WWOX: variants seen among roughly 807,000 people sequenced by gnomAD.
The protein encoded by WWOX is WW domain-containing oxidoreductase.
In WWOX, 69 loss-of-function variants were observed where a neutral mutation model predicts 46.2. That is an observed-to-expected ratio of 1.49 (90% CI 1.23 to 1.82). The LOEUF is 1.82. Among genes scored for constraint, WWOX ranks in the 40% most tolerant of loss-of-function variants. The pLI, the probability that WWOX is intolerant of heterozygous loss-of-function variation, is 0.00. For missense variants in WWOX, 919 were observed against 542.6 expected, an observed-to-expected ratio of 1.69 and a Z score of -6.89; for synonymous variants, 359 against 202.6, an observed-to-expected ratio of 1.77 and a Z score of -6.56.
chr16:78,463,085 G>C (rs1481257107), intron 8 of WWOX, among the ~76,000 whole-genome samples: 1 of 152,196 alleles, frequency 6.6e-6, no homozygotes, highest in Non-Finnish European at 1.5e-5. Context: ...GCAGGTCTTT[G>C]TTTCATGTCA....
At chr16:78,865,900 C>G (rs1224038960) in intron 8 of WWOX, among the ~76,000 whole-genome samples, 3 of 152,138 alleles carry the variant, frequency 2.0e-5, no homozygotes, top group African/African-American at 4.8e-5. Context: ...AGAATTGTGT[C>G]TGGCCTTTGT....
chr16:78,394,586 C>G (rs2082245581), intron 6 of WWOX, among the ~76,000 whole-genome samples: 1 of 152,096 alleles, frequency 6.6e-6, no homozygotes, highest in Non-Finnish European at 1.5e-5. Flanking sequence ...CCAAAAACAT[C>G]AAAGTATGAC....
At chr16:78,123,969 C>T (rs569204432) in intron 4 of WWOX, 2 of 152,078 alleles carry the variant, frequency 1.3e-5, no homozygotes, top group African/African-American at 4.8e-5. Context: ...AGCCAGTGTT[C>T]TCCATGTACA....
rs115784480 is a variant in WWOX at position 78,349,661 on chromosome 16, C to G, written c.517-37199C>G. On this transcript the variant is annotated intron_variant, in intron 5 of 8. Transcript: ENST00000566780. ...CCTAATGGTGCACCCTTCCGACAATCCTTCATCCTTCCCAGACGTTTCATC... is the reference window on the plus strand; with the variant it reads ...CCTAATGGTGCACCCTTCCGACAATGCTTCATCCTTCCCAGACGTTTCATC... Among the ~76,000 whole-genome samples the G allele has an allele frequency of 5.7e-3, 686 of 120,646 alleles. 156 individuals carry two copies. The highest frequency in any genetic ancestry group is 0.019 in the African/African-American group (666 of 35,642). The allele number at this position is 120,646 out of a possible 152,430, so 79.1% of individuals were successfully genotyped here.
chr16:78,699,938 T>G (rs2048177157), intron 8 of WWOX, among the ~76,000 whole-genome samples: 1 of 152,102 alleles, frequency 6.6e-6, no homozygotes, highest in South Asian at 2.1e-4. Context: ...GGAATGGCAT[T>G]TTTAGTACTC....
At chr16:78,959,377 C>G (rs1200158253) in intron 8 of WWOX, among the ~76,000 whole-genome samples, 2 of 152,194 alleles carry the variant, frequency 1.3e-5, no homozygotes, top group African/African-American at 4.8e-5. Context: ...ATAGAGATGT[C>G]CATGTTTTGG....
Position 78,606,562 on chromosome 16 carries a change from G to C in WWOX, c.1056+173810G>C, listed in dbSNP as rs1487103546. On this transcript the variant is annotated intron_variant, in intron 8 of 8. Coordinates refer to ENST00000566780, the MANE Select transcript of WWOX (RefSeq NM_016373.4). ...AAAAGCAAATCCTGTTGACCTGTCA[G>C]CTTAAAAAGACAAGAAATATGCCAC... Among the ~76,000 whole-genome samples the C allele has an allele frequency of 2.0e-5, 3 of 152,038 alleles. No homozygotes were observed. In the East Asian group the frequency reaches 5.8e-4, roughly 29 times the overall value.
At chr16:78,349,635 C>T (rs1476909082) in intron 5 of WWOX, among the ~76,000 whole-genome samples, 1 of 120,172 alleles carries the variant, frequency 8.3e-6, no homozygotes, top group Admixed American at 8.1e-5. Context: ...TTGGTATGAG[C>T]CCTAATGGTG....
chr16:79,091,576 C>A (rs529668074), intron 8 of WWOX, among the ~76,000 whole-genome samples: 1 of 152,134 alleles, frequency 6.6e-6, no homozygotes, highest in Admixed American at 6.5e-5. Context: ...AAAGAACACC[C>A]CAGAACAATC....
At chr16:78,587,422 A>G (rs984963834) in intron 8 of WWOX, among the ~76,000 whole-genome samples, 1 of 152,134 alleles carries the variant, frequency 6.6e-6, no homozygotes, top group African/African-American at 2.4e-5. Context: ...AAAAGAAACA[A>G]TTCAGCAACT....
At chr16:78,934,557 A>G (rs920758865) in intron 8 of WWOX, among the ~76,000 whole-genome samples, 2 of 151,372 alleles carry the variant, frequency 1.3e-5, no homozygotes, top group Non-Finnish European at 1.5e-5. Context: ...AAACCAAGAA[A>G]CTTACAGAGA....
At chr16:79,054,070 G>C (rs747820213) in intron 8 of WWOX, among the ~76,000 whole-genome samples, 1 of 151,958 alleles carries the variant, frequency 6.6e-6, no homozygotes, top group African/African-American at 2.4e-5. Context: ...CCTGCTCTCT[G>C]AGCCAATAAA....
At chr16:79,178,210 C>T (rs2050840086) in intron 8 of WWOX, among the ~76,000 whole-genome samples, 1 of 152,144 alleles carries the variant, frequency 6.6e-6, no homozygotes, top group Admixed American at 6.5e-5. Context: ...GGACAATACA[C>T]AAATGAACAA....
intron 1 of WWOX, among the ~76,000 whole-genome samples, chr16:78,107,358 C>T (rs115162591): frequency 0.016 from 2,371 of 152,188 alleles, 71 homozygotes; most frequent in African/African-American, 0.054. Context: ...TTAAGTTTGA[C>T]GCAAAAATAG....
At chr16:78,865,662 C>T (rs1008705166) in intron 8 of WWOX, among the ~76,000 whole-genome samples, 5 of 152,144 alleles carry the variant, frequency 3.3e-5, no homozygotes, top group South Asian at 2.1e-4. Flanking sequence ...GGTGGATCAC[C>T]TGAGGTCAGG....
At chr16:79,211,529 T>C in intron 8 of WWOX, 79 bp from the exon 9 acceptor site, 2 of 1,592,848 alleles carry the variant, frequency 1.3e-6, no homozygotes, top group Non-Finnish European at 1.7e-6. Flanking sequence ...GGCCTGCTAA[T>C]GCCCAGGCAG....
At chr16:78,383,305 T>C (rs1179480549) in intron 5 of WWOX, among the ~76,000 whole-genome samples, 1 of 152,100 alleles carries the variant, frequency 6.6e-6, no homozygotes, top group Non-Finnish European at 1.5e-5. Flanking sequence ...GTATGTAAGA[T>C]GTATATATGG....
intron 5 of WWOX, among the ~76,000 whole-genome samples, chr16:78,370,333 G>A (rs190157631): frequency 1.8e-4 from 27 of 152,206 alleles, no homozygotes; most frequent in African/African-American, 6.0e-4. Flanking sequence ...TCATATGTAA[G>A]TGTTCTTAGA....
chr16:78,542,473 G>C (rs2043922265), intron 8 of WWOX, among the ~76,000 whole-genome samples: 1 of 151,976 alleles, frequency 6.6e-6, no homozygotes, highest in Non-Finnish European at 1.5e-5. Flanking sequence ...TTTTGTTTTT[G>C]TTTTTTAGTA....
Sources: allele counts gnomAD v4.1 joint callset (sites outside exome capture counted in the v4.1 genomes callset), GRCh38; gene constraint gnomAD v4.1.1; transcripts MANE v1.5; gene names NCBI Gene and HGNC (gene_info 2026-07-23, HGNC 2026-07-21).